PRSS12: variants seen among roughly 807,000 people sequenced by gnomAD.
PRSS12 encodes serine protease 12.
PRSS12 carries 85 observed loss-of-function variants against 104.4 expected under a neutral mutation model. The ratio of observed to expected loss-of-function variants is 0.81; its 90% CI spans 0.68 to 0.98. The LOEUF (loss-of-function observed/expected upper bound fraction) is 0.98. PRSS12 is among the 50% of genes least tolerant of loss of function. The probability of loss-of-function intolerance (pLI) is 0.00; values close to 1 mark genes in which losing one functional copy is unlikely to be tolerated. For synonymous variants in PRSS12, 454 were observed against 425.2 expected (o/e 1.07, Z -0.83); for missense variants, 1,141 against 1,139.2 (o/e 1.00, Z -0.02).
At chr4:118,325,647 T>C (rs1723751841) in intron 4 of PRSS12, among the ~76,000 whole-genome samples, 1 of 152,104 alleles carries the variant, frequency 6.6e-6, no homozygotes, top group African/African-American at 2.4e-5. Context: ...ACTCTGCTTT[T>C]AAAGAGTCAT....
At chr4:118,329,196 C>A (rs1240572393) in intron 4 of PRSS12, among the ~76,000 whole-genome samples, 1 of 152,164 alleles carries the variant, frequency 6.6e-6, no homozygotes, top group Non-Finnish European at 1.5e-5. Flanking sequence ...GCCACTGCAC[C>A]TGGCCACAAC....
chr4:118,331,567 G>A, intron 4 of PRSS12, 149 bp downstream of exon 4: 2 of 1,043,706 alleles, frequency 1.9e-6, no homozygotes, highest in Non-Finnish European at 2.9e-6. Flanking sequence ...CTGCTCTTCA[G>A]GAAGCCTACA....
At chr4:118,323,855 G>A (rs770490959) in intron 4 of PRSS12, among the ~76,000 whole-genome samples, 1 of 151,386 alleles carries the variant, frequency 6.6e-6, no homozygotes, top group Non-Finnish European at 1.5e-5. Flanking sequence ...TTCAGTTACA[G>A]TTTACTTATA....
At chr4:118,335,240 T>G (rs554803782) in intron 3 of PRSS12, among the ~76,000 whole-genome samples, 11 of 151,920 alleles carry the variant, frequency 7.2e-5, no homozygotes, top group Non-Finnish European at 1.5e-4. Context: ...TTTAAGCAAA[T>G]TATATAAAAT....
Position 118,331,700 on chromosome 4 carries a change from A to C in PRSS12, c.971+16T>G. On this transcript the variant is annotated intron_variant, in intron 4 of 12. Coordinates refer to ENST00000296498, the MANE Select transcript of PRSS12 (RefSeq NM_003619.4). ...GATTCAAAAGTTTAAGCAAAACAAG[A>C]GTAGTAAAAACAAACCTGAGGCCCA... 3 of 1,614,072 alleles carry C rather than the reference A, an allele frequency of 1.9e-6. No homozygotes were observed. Among genetic ancestry groups the C allele is most frequent in the Non-Finnish European group, 2.5e-6 (3 of 1,179,964 alleles).
chr4:118,308,502 C>T lies in PRSS12; in HGVS notation c.1565G>A (p.Gly522Glu). 6.2e-7 allele frequency: 1 copy of T among 1,614,074 alleles called. No homozygotes were observed. Among genetic ancestry groups the T allele is most frequent in the Non-Finnish European group, 8.5e-7 (1 of 1,179,972 alleles). Residue 522 changes from glycine to glutamate, a missense_variant, in exon 8 of 13, where the codon GGA becomes GAA. Transcript: ENST00000296498. The part of the protein sequence containing the change: ...RVEVFINGQW[G>E]TICDDGWTDK... ...AGTCCATCCATCATCACAGATTGTT[C>T]CCCACTGGCCATTGATAAAAACCTC...
At chr4:118,310,922 G>T (rs1470305765) in intron 7 of PRSS12, among the ~76,000 whole-genome samples, 1 of 152,040 alleles carries the variant, frequency 6.6e-6, no homozygotes. Context: ...GTGGTGGCAG[G>T]CACCTGTAAT....
Position 118,335,659 on chromosome 4 carries a change from T to A in PRSS12, c.642-8A>T. On this transcript the variant is annotated splice_region_variant and splice_polypyrimidine_tract_variant and intron_variant, in intron 2 of 12. Coordinates refer to ENST00000296498, the MANE Select transcript of PRSS12 (RefSeq NM_003619.4). ...TTTGCTATTCCTTTTCCTCTGGAAG[T>A]ACAATGAGCGATATTAGGTTTATCA... 2 of 1,613,446 alleles carry A rather than the reference T, an allele frequency of 1.2e-6. No homozygotes were observed. Among genetic ancestry groups the A allele is most frequent in the Non-Finnish European group, 1.7e-6 (2 of 1,179,532 alleles).
chr4:118,321,596 G>T (rs1007683583), intron 4 of PRSS12, among the ~76,000 whole-genome samples: 1 of 152,232 alleles, frequency 6.6e-6, no homozygotes, highest in South Asian at 2.1e-4. Context: ...AATAAATGCT[G>T]GTTCCCTTCC....
At chr4:118,332,779 T>C (rs1289027055) in intron 3 of PRSS12, among the ~76,000 whole-genome samples, 1 of 152,132 alleles carries the variant, frequency 6.6e-6, no homozygotes, top group African/African-American at 2.4e-5. Context: ...TAAATAAACC[T>C]AGAAAAGACA....
In PRSS12 at chr4:118,352,932, G is replaced by C; in HGVS notation, c.-212C>G. On this transcript the variant is annotated 5_prime_UTR_variant, in exon 1 of 13. Coordinates refer to ENST00000296498, the MANE Select transcript of PRSS12 (RefSeq NM_003619.4). ...TCCTGTCCCCTGGCGGCGGCCGCGGGTGGGGAAATCTGGAGCTCAGCCGAG... is the reference window on the plus strand; with the variant it reads ...TCCTGTCCCCTGGCGGCGGCCGCGGCTGGGGAAATCTGGAGCTCAGCCGAG... 7.7e-7 allele frequency: 1 copy of C among 1,295,154 alleles called. No homozygotes were observed. The allele number at this position is 1,295,154 out of a possible 1,614,324, so 80.2% of individuals were successfully genotyped here.
chr4:118,329,181 C>T (rs904976867), intron 4 of PRSS12, among the ~76,000 whole-genome samples: 6 of 152,132 alleles, frequency 3.9e-5, no homozygotes, highest in Non-Finnish European at 8.8e-5. Flanking sequence ...CCTCCTAAAG[C>T]ATGAGCCACT....
rs1267284239 is a variant in PRSS12 at position 118,340,830 on chromosome 4, C to G, written c.503-2516G>C. Among the ~76,000 whole-genome samples, 5 of 152,196 alleles carry G rather than the reference C, an allele frequency of 3.3e-5. 1 individual carries two copies. Among genetic ancestry groups the G allele is most frequent in the Admixed American group, 3.3e-4 (5 of 15,284 alleles). On this transcript the variant is annotated intron_variant, in intron 1 of 12. Coordinates refer to ENST00000296498, the MANE Select transcript of PRSS12 (RefSeq NM_003619.4). ...TCAGGTTTAACAAAGTGTGGTCAGCCACGTAGAAATATGTTTGGACAAAAT... is the reference window on the plus strand; with the variant it reads ...TCAGGTTTAACAAAGTGTGGTCAGCGACGTAGAAATATGTTTGGACAAAAT...
intron 6 of PRSS12, among the ~76,000 whole-genome samples, chr4:118,314,430 C>A (rs1578918950): frequency 6.6e-6 from 1 of 152,100 alleles, no homozygotes; most frequent in East Asian, 1.9e-4. Context: ...ACTAATCAAC[C>A]CTTGGCTAGA....
intron 6 of PRSS12, among the ~76,000 whole-genome samples, chr4:118,313,875 T>A (rs80305915): frequency 0.017 from 2,574 of 152,288 alleles, 60 homozygotes; most frequent in East Asian, 0.084. Context: ...CATGATTAAA[T>A]TTAGATTTCA....
chr4:118,318,522 C>T lies in PRSS12; in HGVS notation c.1006G>A (p.Gly336Arg). The change falls in exon 5 of 13, where the codon GGG (glycine) becomes AGG (arginine). Residue 336 changes from glycine to arginine, a missense_variant. Coordinates refer to ENST00000296498, the MANE Select transcript of PRSS12 (RefSeq NM_003619.4). ...AACATAACTGGGCCAGACCCTTCCC[C>T]AAAATATGCCTGATGCCATGCTTTG... ...IAKAWHQAYF[G>R]EGSGPVMLDE... The T allele has an allele frequency of 6.2e-7, 1 of 1,614,082 alleles. No individual in the cohort carries two copies. Among genetic ancestry groups the T allele is most frequent in the Non-Finnish European group, 8.5e-7 (1 of 1,180,006 alleles).
At chr4:118,333,357 T>G (rs1158434625) in intron 3 of PRSS12, among the ~76,000 whole-genome samples, 1 of 152,214 alleles carries the variant, frequency 6.6e-6, no homozygotes, top group African/African-American at 2.4e-5. Flanking sequence ...CATTTGGATA[T>G]TCACACTTAA....
chr4:118,346,946 CGCACACATGCGTGTGCATGCAT>C (rs1158606934), intron 1 of PRSS12, among the ~76,000 whole-genome samples: 22 of 152,110 alleles, frequency 1.4e-4, no homozygotes, highest in Admixed American at 1.4e-3. Context: ...AACACATAGG[CGCACACATGCGTGTGCATGCAT>C]GCACACATGC....
At chr4:118,310,157 C>T (rs1743670347) in intron 7 of PRSS12, among the ~76,000 whole-genome samples, 1 of 152,154 alleles carries the variant, frequency 6.6e-6, no homozygotes, top group Admixed American at 6.5e-5. Context: ...TTTGGGAGTT[C>T]TTTGCAAGAA....
Sources: gnomAD v4.1 joint callset for allele counts (sites outside exome capture counted in the v4.1 genomes callset) on GRCh38, gnomAD v4.1.1 for gene constraint, MANE v1.5 for transcripts, NCBI Gene and HGNC (gene_info 2026-07-23, HGNC 2026-07-21) for gene names.